The following GSTM2 variants were observed in gnomAD, a reference collection of about 807,000 sequenced individuals.
GSTM2 encodes glutathione S-transferase mu 2, also known as GST class-mu 2.
Under a neutral mutation model 33.3 loss-of-function variants are expected in GSTM2, and 33 were observed. The observed-to-expected ratio is 0.99, with a 90% CI of 0.75 to 1.33. GSTM2 has a LOEUF of 1.33. GSTM2 is among the 40% of genes most tolerant of loss of function. The pLI, the probability that GSTM2 is intolerant of heterozygous loss-of-function variation, is 0.00. For synonymous variants in GSTM2, 93 were observed against 95.6 expected, an observed-to-expected ratio of 0.97 and a Z score of 0.16; for missense variants, 213 against 265.8, an observed-to-expected ratio of 0.80 and a Z score of 1.38.
intron 5 of GSTM2, chr1:109,670,103 A>AGGGG: frequency 2.3e-5 from 2 of 86,536 alleles, no homozygotes; most frequent in African/African-American, 1.1e-4. Flanking sequence ...GTGGGGGGGG[A>AGGGG]AATCCCTTAT....
downstream of GSTM2, among the ~76,000 whole-genome samples, chr1:109,678,384 A>G (rs1411796299): frequency 6.6e-6 from 1 of 151,790 alleles, no homozygotes; most frequent in Non-Finnish European, 1.5e-5. Context: ...TTATCCACCC[A>G]CCTCTACCCC....
chr1:109,677,055 G>C (rs112320522), downstream of GSTM2, among the ~76,000 whole-genome samples: 6,390 of 152,234 alleles, frequency 0.042, 456 homozygotes, highest in African/African-American at 0.15. Flanking sequence ...TTTCCCAAAA[G>C]TGAATATCCA....
rs753743251 is a variant in GSTM2, at chr1:109,669,558, A to G, written c.347A>G (p.Tyr116Cys). The change falls in exon 5 of 8, where the codon TAT becomes TGT. Residue 116 changes from tyrosine to cysteine, a missense_variant. Tyr to Cys is a radical substitution (Grantham distance 194). Coordinates refer to ENST00000241337, the MANE Select transcript of GSTM2 (RefSeq NM_000848.4). ...DSRMQLAKLC[Y>C]DPDFEKLKPE... ...CGTATGCAGCTGGCCAAACTCTGCT[A>G]TGACCCAGATTTTGTAAGTCCCCCC... 75 of 1,603,668 alleles carry G rather than the reference A, an allele frequency of 4.7e-5. No homozygotes were observed. The highest frequency in any genetic ancestry group is 3.3e-4 in the Middle Eastern group (2 of 6,054).
At chr1:109,677,061 A>G (rs1007793249), downstream of GSTM2, among the ~76,000 whole-genome samples, 1 of 152,204 alleles carries the variant, frequency 6.6e-6, no homozygotes, top group Non-Finnish European at 1.5e-5. Context: ...AAAAGTGAAT[A>G]TCCACATGGC....
chr1:109,668,575 T>C, intron 2 of GSTM2, 75 bp downstream of exon 2: 1 of 1,506,718 alleles, frequency 6.6e-7, no homozygotes, highest in Non-Finnish European at 9.2e-7. Context: ...TGGCCACCTG[T>C]GGCTGACTCT....
intron 7 of GSTM2, among the ~76,000 whole-genome samples, chr1:109,682,710 A>G (rs1647882912): frequency 1.6e-5 from 2 of 127,316 alleles, no homozygotes; most frequent in African/African-American, 5.0e-5. Context: ...TGTTGGAAAA[A>G]TGTTTTCTCA....
intron 7 of GSTM2, among the ~76,000 whole-genome samples, chr1:109,682,388 C>G (rs1308252515): frequency 4.9e-5 from 3 of 61,452 alleles, no homozygotes; most frequent in East Asian, 6.1e-4. Flanking sequence ...CTACAGGTGT[C>G]TGCCACCACG....
chr1:109,676,646 T>C (rs1647712070), downstream of GSTM2, among the ~76,000 whole-genome samples: 1 of 152,200 alleles, frequency 6.6e-6, no homozygotes, highest in African/African-American at 2.4e-5. Flanking sequence ...CCACTCTGCC[T>C]GGCTATATCT....
downstream of GSTM2, among the ~76,000 whole-genome samples, chr1:109,676,319 G>C (rs533799480): frequency 3.3e-5 from 5 of 152,298 alleles, no homozygotes; most frequent in South Asian, 8.3e-4. Context: ...GTCGATGCCA[G>C]TCTGACTGCA....
intron 7 of GSTM2, 45 bp from the exon 8 acceptor site, chr1:109,674,702 T>G: frequency 6.2e-7 from 1 of 1,613,580 alleles, no homozygotes; most frequent in Non-Finnish European, 8.5e-7. Flanking sequence ...CCAGCCCTCA[T>G]GGGCAGCTGA....
intron 7 of GSTM2, chr1:109,673,167 G>T (rs1422871010): frequency 1.9e-6 from 3 of 1,608,366 alleles, no homozygotes; most frequent in Non-Finnish European, 2.5e-6. Context: ...ACCGCGCCTG[G>T]CCTCTTCCTC....
chr1:109,677,656 G>T (rs1395310779), downstream of GSTM2, among the ~76,000 whole-genome samples: 1 of 152,190 alleles, frequency 6.6e-6, no homozygotes, highest in African/African-American at 2.4e-5. Context: ...AGAACTGGAA[G>T]GTTGCCTATT....
intron 2 of GSTM2, 96 bp from the exon 3 acceptor site, chr1:109,668,829 T>G: frequency 7.2e-7 from 1 of 1,389,992 alleles, no homozygotes; most frequent in Non-Finnish European, 1.0e-6. Context: ...GATCCACCTG[T>G]CTCAGGGGTC....
intron 2 of GSTM2, 181 bp downstream of exon 2, chr1:109,668,681 C>A: frequency 2.4e-6 from 2 of 836,012 alleles, no homozygotes; most frequent in East Asian, 2.6e-5. Context: ...GATGCTGGGC[C>A]CCCGTCTGGG....
rs75937853 is a variant in GSTM2, at chr1:109,669,583, C to G, written c.360+12C>G. ...ATGACCCAGATTTTGTAAGTCCCCC[C>G]ACCCCACTCCCAGTCTCCCCTTCCC... On this transcript the variant is annotated intron_variant, in intron 5 of 7. Transcript: ENST00000241337. 2 of 1,519,746 alleles carry G rather than the reference C, an allele frequency of 1.3e-6. No individual in the cohort carries two copies. The highest frequency in any genetic ancestry group is 4.5e-5 in the East Asian group (2 of 44,088). 94.1% of individuals were successfully genotyped at this position (1,519,746 alleles called of 1,614,324 possible).
intron 7 of GSTM2, among the ~76,000 whole-genome samples, chr1:109,680,376 C>A (rs1195081959): frequency 6.6e-6 from 1 of 151,194 alleles, no homozygotes; most frequent in Non-Finnish European, 1.5e-5. Flanking sequence ...ATATCTATTA[C>A]CTGGGTTTCT....
chr1:109,677,581 C>T (rs1265056277), downstream of GSTM2, among the ~76,000 whole-genome samples: 1 of 152,182 alleles, frequency 6.6e-6, no homozygotes, highest in African/African-American at 2.4e-5. Flanking sequence ...ATTCCACTTA[C>T]ACGAAAATCA....
chr1:109,679,469 T>G (rs536261313), downstream of GSTM2, among the ~76,000 whole-genome samples: 1 of 152,156 alleles, frequency 6.6e-6, no homozygotes. Flanking sequence ...CAGAGTGAGA[T>G]TCCATCTCAA....
At chr1:109,671,089 TC>T (rs2101249979) in intron 5 of GSTM2, 197 bp from the exon 6 acceptor site, 1 of 590,634 alleles carries the variant, frequency 1.7e-6, no homozygotes, top group African/African-American at 1.9e-5. Flanking sequence ...TCCCATCACC[TC>T]AGAAAGACTC....
Sources: gnomAD v4.1 joint callset for allele counts (sites outside exome capture counted in the v4.1 genomes callset) on GRCh38, gnomAD v4.1.1 for gene constraint, MANE v1.5 for transcripts, NCBI Gene and HGNC (gene_info 2026-07-23, HGNC 2026-07-21) for gene names.